SLC35A1: variants seen among roughly 807,000 people sequenced by gnomAD.
The protein encoded by SLC35A1 is CMP-sialic acid transporter.
In SLC35A1, 21 loss-of-function variants were observed where a neutral mutation model predicts 40.3. The ratio of observed to expected loss-of-function variants is 0.52; its 90% confidence interval spans 0.37 to 0.75. The LOEUF is 0.75. Ranked by LOEUF, SLC35A1 falls within the 30% of genes least tolerant of loss-of-function variation. SLC35A1 has a pLI of 0.00. For missense variants in SLC35A1, 297 were observed against 382.1 expected, an observed-to-expected ratio of 0.78 and a Z score of 1.86; for synonymous variants, 146 against 147.3, an observed-to-expected ratio of 0.99 and a Z score of 0.06.
chr6:87,474,762 C>G (rs1769020079), intron 1 of SLC35A1, among the ~76,000 whole-genome samples: 1 of 152,002 alleles, frequency 6.6e-6, no homozygotes, highest in Non-Finnish European at 1.5e-5. Context: ...ATGTCAAAGC[C>G]CAATCTGTTT....
chr6:87,475,910 G>T (rs1769056029), intron 1 of SLC35A1, among the ~76,000 whole-genome samples: 1 of 152,166 alleles, frequency 6.6e-6, no homozygotes. Flanking sequence ...AGAAAAATTT[G>T]CTGATCCCTG....
intron 5 of SLC35A1, among the ~76,000 whole-genome samples, chr6:87,507,381 A>G (rs1353024032): frequency 6.6e-6 from 1 of 152,166 alleles, no homozygotes; most frequent in Non-Finnish European, 1.5e-5. Flanking sequence ...AAAATATGCT[A>G]TTTGATTTTT....
intron 2 of SLC35A1, among the ~76,000 whole-genome samples, chr6:87,495,050 A>G (rs538216693): frequency 1.3e-5 from 2 of 152,086 alleles, no homozygotes; most frequent in South Asian, 2.1e-4. Flanking sequence ...ACTTGCTGCA[A>G]CCATCGCTTC....
intron 2 of SLC35A1, among the ~76,000 whole-genome samples, chr6:87,491,051 CT>C (rs1319650160): frequency 5.9e-5 from 9 of 152,198 alleles, no homozygotes; most frequent in African/African-American, 1.9e-4. Flanking sequence ...GGGAAACAAG[CT>C]GGTAAATACA....
chr6:87,500,175 ATAGT>A (rs879438996), intron 2 of SLC35A1, among the ~76,000 whole-genome samples: 5 of 152,192 alleles, frequency 3.3e-5, no homozygotes, highest in African/African-American at 4.8e-5. Flanking sequence ...ACTTGATGAA[ATAGT>A]TAAAGTAGCA....
Position 87,511,786 on chromosome 6 carries a change from TA to T in SLC35A1, c.*265del. The T allele has an allele frequency of 2.2e-6, 1 of 451,236 alleles. No homozygotes were observed. Among genetic ancestry groups the T allele is most frequent in the South Asian group, 2.2e-5 (1 of 45,618 alleles). The allele number at this position is 451,236 out of a possible 1,614,324, so 28.0% of individuals were successfully genotyped here. On this transcript the variant is annotated 3_prime_UTR_variant, in exon 8 of 8. Transcript: ENST00000369552. ...ATTGTGTGTATATATAATTTGTAAA[TA>T]AAAAGTATGGAGATGATACGGTGTT...
intron 2 of SLC35A1, among the ~76,000 whole-genome samples, chr6:87,498,324 A>G (rs545834632): frequency 1.3e-5 from 2 of 152,340 alleles, no homozygotes; most frequent in East Asian, 1.9e-4. Flanking sequence ...TATCTATGCT[A>G]TCATGATACT....
At chr6:87,481,441 G>A (rs1464144864) in intron 2 of SLC35A1, among the ~76,000 whole-genome samples, 1 of 151,858 alleles carries the variant, frequency 6.6e-6, no homozygotes, top group Non-Finnish European at 1.5e-5. Context: ...AAAATTGGGG[G>A]ACACCAGCAG....
At chr6:87,481,673 C>G (rs1195259907) in intron 2 of SLC35A1, among the ~76,000 whole-genome samples, 1 of 152,084 alleles carries the variant, frequency 6.6e-6, no homozygotes, top group Non-Finnish European at 1.5e-5. Context: ...ACATATTTAT[C>G]CGATTTTAAT....
chr6:87,492,475 C>T (rs1157534862), intron 2 of SLC35A1, among the ~76,000 whole-genome samples: 3 of 150,496 alleles, frequency 2.0e-5, no homozygotes, highest in Admixed American at 1.3e-4. Flanking sequence ...AGAAATGATG[C>T]GTCCCTTTTA....
At chr6:87,491,694 G>A (rs534929692) in intron 2 of SLC35A1, among the ~76,000 whole-genome samples, 1 of 152,180 alleles carries the variant, frequency 6.6e-6, no homozygotes, top group African/African-American at 2.4e-5. Context: ...TACATTTTTG[G>A]AGGCTGGAAA....
intron 2 of SLC35A1, among the ~76,000 whole-genome samples, chr6:87,492,805 C>A (rs1769593488): frequency 6.6e-6 from 1 of 152,092 alleles, no homozygotes; most frequent in Admixed American, 6.6e-5. Context: ...CCAGCTTGGC[C>A]TCCCAAAGTG....
intron 2 of SLC35A1, among the ~76,000 whole-genome samples, chr6:87,493,642 A>C (rs1197924249): frequency 6.6e-6 from 1 of 152,224 alleles, no homozygotes; most frequent in South Asian, 2.1e-4. Flanking sequence ...CAATCCTAGA[A>C]TAGATAAGGA....
chr6:87,511,810 G>A lies in SLC35A1; in HGVS notation c.*284G>A. 1 of 397,942 alleles carries A rather than the reference G, an allele frequency of 2.5e-6. No homozygotes were observed. The highest frequency in any genetic ancestry group is 4.7e-6 in the Non-Finnish European group (1 of 211,572). The allele number at this position is 397,942 out of a possible 1,614,324, so 24.7% of individuals were successfully genotyped here. Reference sequence around the variant, plus strand: ...ATAAAAAGTATGGAGATGATACGGTGTTAAAAAAAATCATGGTAAGGCTAC... The same window carrying A: ...ATAAAAAGTATGGAGATGATACGGTATTAAAAAAAATCATGGTAAGGCTAC... On this transcript the variant is annotated 3_prime_UTR_variant, in exon 8 of 8. Coordinates refer to ENST00000369552, the MANE Select transcript of SLC35A1 (RefSeq NM_006416.5).
chr6:87,494,042 C>T (rs1237561881), intron 2 of SLC35A1, among the ~76,000 whole-genome samples: 1 of 150,262 alleles, frequency 6.7e-6, no homozygotes, highest in Non-Finnish European at 1.5e-5. Flanking sequence ...ATTGCTGGGC[C>T]TTGTGTGTGA....
chr6:87,503,509 G>T (rs1031867817), intron 4 of SLC35A1, among the ~76,000 whole-genome samples: 1 of 152,060 alleles, frequency 6.6e-6, no homozygotes, highest in Non-Finnish European at 1.5e-5. Context: ...TGAGGAGTTC[G>T]AGACCAGCCT....
At chr6:87,474,305 A>G (rs1439351733) in intron 1 of SLC35A1, among the ~76,000 whole-genome samples, 1 of 152,242 alleles carries the variant, frequency 6.6e-6, no homozygotes, top group Admixed American at 6.5e-5. Context: ...TTTATCTGGG[A>G]CTTACAGAAT....
chr6:87,496,820 T>C (rs1047261884), intron 2 of SLC35A1, among the ~76,000 whole-genome samples: 1 of 139,628 alleles, frequency 7.2e-6, no homozygotes, highest in African/African-American at 2.7e-5. Context: ...ACAGAAAATA[T>C]AAGTTCCGGA....
At chr6:87,479,116 G>T (rs188062838) in intron 2 of SLC35A1, among the ~76,000 whole-genome samples, 7 of 152,334 alleles carry the variant, frequency 4.6e-5, no homozygotes, top group African/African-American at 1.7e-4. Context: ...AAATTTAAAA[G>T]TAGAAGGCAA....
Sources: gnomAD v4.1 joint callset for allele counts (sites outside exome capture counted in the v4.1 genomes callset) on GRCh38, gnomAD v4.1.1 for gene constraint, MANE v1.5 for transcripts, NCBI Gene and HGNC (gene_info 2026-07-23, HGNC 2026-07-21) for gene names.